Variants in CCDC146 observed in about 807,000 individuals in gnomAD.
The protein encoded by CCDC146 is coiled-coil domain-containing protein 146.
Under a neutral mutation model 119.3 loss-of-function variants are expected in CCDC146, and 92 were observed. That is an observed-to-expected ratio of 0.77 (90% CI 0.65 to 0.92). CCDC146 has a LOEUF of 0.92. CCDC146 is among the 40% of genes least tolerant of loss of function. The probability of loss-of-function intolerance (pLI) is 0.00; values close to 1 mark genes in which losing one functional copy is unlikely to be tolerated. For missense variants in CCDC146, 1,000 were observed against 1,103.0 expected (o/e 0.91, Z 1.32); for synonymous variants, 372 against 371.8 (o/e 1.00, Z -0.01).
At chr7:77,240,480 T>C (rs778684953) in intron 3 of CCDC146, among the ~76,000 whole-genome samples, 2 of 152,236 alleles carry the variant, frequency 1.3e-5, no homozygotes, top group Non-Finnish European at 2.9e-5. Flanking sequence ...TAAAATGGTA[T>C]AGTATTTGCA....
chr7:77,150,802 A>T (rs1168266798), intron 1 of CCDC146, among the ~76,000 whole-genome samples: 5 of 152,228 alleles, frequency 3.3e-5, no homozygotes, highest in Non-Finnish European at 4.4e-5. Context: ...CTGGAAACAA[A>T]TGAAATGTCT....
At chr7:77,230,491 G>GGTGTGTGT (rs1178975249) in intron 2 of CCDC146, among the ~76,000 whole-genome samples, 1 of 73,290 alleles carries the variant, frequency 1.4e-5, no homozygotes, top group East Asian at 3.6e-4. Flanking sequence ...TTGGTTGACA[G>GGTGTGTGT]GTATGTGTGT....
intron 2 of CCDC146, among the ~76,000 whole-genome samples, chr7:77,203,219 C>G (rs192232655): frequency 1.3e-5 from 2 of 151,876 alleles, no homozygotes; most frequent in African/African-American, 4.8e-5. Context: ...GCCATGGGAT[C>G]TGATAAGTGG....
intron 2 of CCDC146, among the ~76,000 whole-genome samples, chr7:77,186,883 G>A (rs1454917721): frequency 6.6e-6 from 1 of 152,178 alleles, no homozygotes; most frequent in Non-Finnish European, 1.5e-5. Context: ...ATAGCTCGGT[G>A]TTTGTCTTGT....
chr7:77,289,123 A>G (rs978141056), intron 17 of CCDC146, among the ~76,000 whole-genome samples: 1 of 152,240 alleles, frequency 6.6e-6, no homozygotes, highest in Non-Finnish European at 1.5e-5. Context: ...GCGAAGGCTC[A>G]GTTAAGCTCA....
chr7:77,260,087 G>A lies in CCDC146; in HGVS notation c.837G>A (p.Lys279=). The change falls in exon 8 of 19, where the codon AAG becomes AAA. Residue 279 remains lysine (K), a synonymous_variant. Transcript: ENST00000285871. The stretch of plus-strand genomic sequence containing the variant: ...ACTCCCTAAAGAAAGTTGAAAACAA[G>A]GTTAGTGCTATAGTGGATGAGAAGG... The part of the protein sequence containing the change: ...LNDSLKKVEN[K]VSAIVDEKEN... 9.3e-6 allele frequency: 15 copies of A among 1,613,366 alleles called. No homozygotes were observed. The highest frequency in any genetic ancestry group is 1.2e-5 in the Non-Finnish European group (14 of 1,179,680).
chr7:77,184,621 G>A (rs1228698174), intron 2 of CCDC146, among the ~76,000 whole-genome samples: 2 of 152,116 alleles, frequency 1.3e-5, no homozygotes, highest in Non-Finnish European at 2.9e-5. Context: ...AACTTACAAA[G>A]TCTTTGTGCT....
chr7:77,268,803 G>GA (rs1008954730), intron 9 of CCDC146, among the ~76,000 whole-genome samples: 1 of 152,110 alleles, frequency 6.6e-6, no homozygotes, highest in African/African-American at 2.4e-5. Context: ...TTTCCCTCAG[G>GA]AAAAAGGCAT....
intron 2 of CCDC146, among the ~76,000 whole-genome samples, chr7:77,212,129 A>G (rs1294789934): frequency 1.3e-5 from 2 of 152,236 alleles, no homozygotes; most frequent in African/African-American, 4.8e-5. Context: ...AATGACCATT[A>G]TCTGTAGCTG....
At chr7:77,273,485 G>A (rs1215513223) in intron 9 of CCDC146, among the ~76,000 whole-genome samples, 2 of 151,470 alleles carry the variant, frequency 1.3e-5, no homozygotes, top group South Asian at 2.1e-4. Flanking sequence ...TGTGTGATGA[G>A]GTTGACTACA....
chr7:77,225,032 G>C (rs1792479573), intron 2 of CCDC146, among the ~76,000 whole-genome samples: 1 of 152,106 alleles, frequency 6.6e-6, no homozygotes, highest in Admixed American at 6.6e-5. Context: ...GCCCAAGATG[G>C]ATTTTGTCTT....
At chr7:77,256,907 C>T (rs1401104892) in intron 6 of CCDC146, among the ~76,000 whole-genome samples, 3 of 152,148 alleles carry the variant, frequency 2.0e-5, no homozygotes, top group Non-Finnish European at 4.4e-5. Context: ...AGTTCGAGAC[C>T]AGCCTGGCCA....
chr7:77,250,828 C>CT (rs145334670), intron 4 of CCDC146, among the ~76,000 whole-genome samples: 64,680 of 133,114 alleles, frequency 0.49, 16,505 homozygotes, highest in East Asian at 0.74. Context: ...TTTTCCTAGT[C>CT]TTTTTTTTTT....
intron 2 of CCDC146, among the ~76,000 whole-genome samples, chr7:77,221,269 C>G (rs1792398352): frequency 2.0e-5 from 3 of 152,208 alleles, no homozygotes; most frequent in Non-Finnish European, 4.4e-5. Context: ...ACATCATTGA[C>G]TTTGCCTGGA....
At chr7:77,277,343 A>G (rs976928398) in intron 11 of CCDC146, among the ~76,000 whole-genome samples, 2 of 152,256 alleles carry the variant, frequency 1.3e-5, no homozygotes, top group African/African-American at 4.8e-5. Flanking sequence ...AAACTGATAT[A>G]CATGTATATC....
chr7:77,271,420 G>T (rs555551172), intron 9 of CCDC146, among the ~76,000 whole-genome samples: 6 of 149,378 alleles, frequency 4.0e-5, no homozygotes, highest in Non-Finnish European at 8.9e-5. Context: ...CTTGCAGATG[G>T]CCTATTGTGG....
rs1447703327 is a variant in CCDC146, at chr7:77,196,641, A to G, written c.156+28817A>G. Reference sequence around the variant, plus strand: ...TATTTGAGAAACTCATTAGCCACATAAAACTGATCATACAAGGCATATAGT... The same window carrying G: ...TATTTGAGAAACTCATTAGCCACATGAAACTGATCATACAAGGCATATAGT... On this transcript the variant is annotated intron_variant, in intron 2 of 18. Transcript: ENST00000285871. The surrounding 1 kb of genome is among the most constrained non-coding windows in gnomAD (Gnocchi z 4.2). 1 of 1,614,038 alleles carries G rather than the reference A, an allele frequency of 6.2e-7. No homozygotes were observed. The highest frequency in any genetic ancestry group is 8.5e-7 in the Non-Finnish European group (1 of 1,179,966).
chr7:77,197,215 A>G (rs956613100), intron 2 of CCDC146, among the ~76,000 whole-genome samples: 1 of 152,264 alleles, frequency 6.6e-6, no homozygotes, highest in African/African-American at 2.4e-5. Context: ...TAATAATGAC[A>G]GCATCAACAG....
chr7:77,152,295 T>C (rs1791118439), intron 1 of CCDC146, among the ~76,000 whole-genome samples: 1 of 152,192 alleles, frequency 6.6e-6, no homozygotes, highest in Non-Finnish European at 1.5e-5. Context: ...TAAGTATTAT[T>C]CTAACTCTAT....
Sources: gnomAD v4.1 joint callset for allele counts (sites outside exome capture counted in the v4.1 genomes callset) on GRCh38, gnomAD v4.1.1 for gene constraint, Gnocchi (gnomAD v3.1) non-coding constraint, MANE v1.5 for transcripts, NCBI Gene and HGNC (gene_info 2026-07-23, HGNC 2026-07-21) for gene names.